Variants in FGF14 observed in about 807,000 individuals in gnomAD.
FGF14 encodes fibroblast growth factor homologous factor 4.
FGF14 carries 5 observed loss-of-function variants against 25.5 expected under a neutral mutation model. That is an observed-to-expected ratio of 0.20 (90% CI 0.10 to 0.41). The LOEUF is 0.41. Ranked by LOEUF, FGF14 falls within the 10% of genes least tolerant of loss-of-function variation. The pLI is 1.00. For synonymous variants in FGF14, 138 were observed against 118.3 expected (o/e 1.17, Z -1.08); for missense variants, 222 against 320.1 (o/e 0.69, Z 2.34).
chr13:101,894,552 A>T (rs2138923325), intron 1 of FGF14, among the ~76,000 whole-genome samples: 1 of 152,242 alleles, frequency 6.6e-6, no homozygotes, highest in African/African-American at 2.4e-5. Context: ...TTGACAAAGA[A>T]ATTTCCGCTC....
At chr13:101,877,426 T>C (rs905316707) in intron 1 of FGF14, among the ~76,000 whole-genome samples, 4 of 152,074 alleles carry the variant, frequency 2.6e-5, no homozygotes, top group African/African-American at 4.8e-5. Flanking sequence ...CCTTACTTAA[T>C]AGAAGCCCAC....
At chr13:102,163,585 G>T (rs1038650738) in intron 1 of FGF14, among the ~76,000 whole-genome samples, 3 of 152,102 alleles carry the variant, frequency 2.0e-5, no homozygotes, top group Admixed American at 6.6e-5. Flanking sequence ...TGAAATCTCT[G>T]GGGGGTTCTC....
intron 1 of FGF14, among the ~76,000 whole-genome samples, chr13:102,260,650 C>T (rs923653820): frequency 2.6e-5 from 4 of 152,252 alleles, no homozygotes; most frequent in African/African-American, 9.6e-5. Context: ...TGCCAAGAGG[C>T]AAAACGGGCA....
chr13:101,917,386 A>T (rs1419188253), upstream of FGF14, among the ~76,000 whole-genome samples: 1 of 150,538 alleles, frequency 6.6e-6, no homozygotes, highest in Non-Finnish European at 1.5e-5. Flanking sequence ...AAATAATAAG[A>T]AAGAAAGCTA....
intron 3 of FGF14, among the ~76,000 whole-genome samples, chr13:101,829,899 C>A (rs1379729275): frequency 6.6e-6 from 1 of 152,044 alleles, no homozygotes; most frequent in South Asian, 2.1e-4. Flanking sequence ...GAAAATGAGG[C>A]TCACAATTTT....
intron 1 of FGF14, among the ~76,000 whole-genome samples, chr13:102,360,318 A>G (rs1217190241): frequency 2.0e-5 from 3 of 152,178 alleles, no homozygotes; most frequent in African/African-American, 7.2e-5. Context: ...TTTGAAAATT[A>G]GCCTACAAAA....
At chr13:101,764,191 A>G (rs996554914) in intron 3 of FGF14, among the ~76,000 whole-genome samples, 5 of 152,174 alleles carry the variant, frequency 3.3e-5, no homozygotes, top group African/African-American at 1.2e-4. Flanking sequence ...TAATACTCTG[A>G]TTCCAATATA....
chr13:102,074,240 C>T (rs947702047), intron 1 of FGF14, among the ~76,000 whole-genome samples: 2 of 152,152 alleles, frequency 1.3e-5, no homozygotes, highest in Non-Finnish European at 2.9e-5. Flanking sequence ...TCTCAAACTT[C>T]TGGACTCAAA....
chr13:102,147,985 G>C (rs1428434333), intron 1 of FGF14, among the ~76,000 whole-genome samples: 1 of 152,116 alleles, frequency 6.6e-6, no homozygotes, highest in Non-Finnish European at 1.5e-5. Flanking sequence ...CCAAAATGTA[G>C]CAATTTCCCA....
intron 1 of FGF14, among the ~76,000 whole-genome samples, chr13:101,970,591 A>G (rs2037532412): frequency 1.3e-5 from 2 of 152,230 alleles, no homozygotes; most frequent in East Asian, 1.9e-4. Flanking sequence ...TGCCTCTCCT[A>G]AAGCACAGGA....
chr13:102,040,126 T>C (rs778237745), intron 1 of FGF14, among the ~76,000 whole-genome samples: 1 of 152,098 alleles, frequency 6.6e-6, no homozygotes, highest in Non-Finnish European at 1.5e-5. Context: ...CAAGCCTCTT[T>C]CAAATTGTGA....
At chr13:101,797,338 G>T (rs1298048423) in intron 3 of FGF14, among the ~76,000 whole-genome samples, 3 of 152,054 alleles carry the variant, frequency 2.0e-5, no homozygotes, top group African/African-American at 4.8e-5. Context: ...TCCTCAAAGA[G>T]TACTTTCTGG....
At chr13:102,212,931 C>G (rs775609526) in intron 1 of FGF14, among the ~76,000 whole-genome samples, 4 of 152,206 alleles carry the variant, frequency 2.6e-5, no homozygotes, top group Non-Finnish European at 4.4e-5. Flanking sequence ...CCCCACCCCC[C>G]ACAGTGCAAA....
chr13:101,900,023 A>G (rs1001006719), intron 1 of FGF14, among the ~76,000 whole-genome samples: 3 of 152,134 alleles, frequency 2.0e-5, no homozygotes, highest in Non-Finnish European at 4.4e-5. Flanking sequence ...CTAGAAATTT[A>G]GTAATTTTTT....
At chr13:101,904,733 G>A (rs1240149908) in intron 1 of FGF14, among the ~76,000 whole-genome samples, 1 of 152,160 alleles carries the variant, frequency 6.6e-6, no homozygotes, top group Non-Finnish European at 1.5e-5. Context: ...AGTTTCACTT[G>A]ACTATACAAC....
chr13:102,357,407 T>C (rs1171903927), intron 1 of FGF14, among the ~76,000 whole-genome samples: 2 of 152,104 alleles, frequency 1.3e-5, no homozygotes, highest in East Asian at 1.9e-4. Context: ...GTTCTACCAA[T>C]AGCAGTAGCC....
intron 1 of FGF14, among the ~76,000 whole-genome samples, chr13:101,948,731 G>A (rs1711803345): frequency 1.3e-5 from 2 of 151,702 alleles, no homozygotes; most frequent in South Asian, 4.2e-4. Flanking sequence ...TATGAAAAAA[G>A]AACAAATAAA....
intron 1 of FGF14, among the ~76,000 whole-genome samples, chr13:102,326,643 G>A (rs1339306476): frequency 1.6e-5 from 2 of 127,270 alleles, no homozygotes; most frequent in South Asian, 5.6e-4. Context: ...GGGAGGGAAA[G>A]GGAGGAGAAG....
chr13:102,303,204 T>G (rs2055169468), intron 1 of FGF14, among the ~76,000 whole-genome samples: 1 of 152,176 alleles, frequency 6.6e-6, no homozygotes, highest in South Asian at 2.1e-4. Context: ...TGTATGCTCT[T>G]TCTGCCACTC....
Sources: gnomAD v4.1 joint callset for allele counts (sites outside exome capture counted in the v4.1 genomes callset) on GRCh38, gnomAD v4.1.1 for gene constraint, MANE v1.5 for transcripts, NCBI Gene and HGNC (gene_info 2026-07-23, HGNC 2026-07-21) for gene names.